Variants in FHIT observed in about 807,000 individuals in gnomAD.
FHIT encodes fragile histidine triad diadenosine triphosphatase.
A neutral mutation model predicts 17.9 loss-of-function variants in FHIT; 19 were observed. The ratio of observed to expected loss-of-function variants is 1.06; its 90% confidence interval spans 0.74 to 1.56. The LOEUF (loss-of-function observed/expected upper bound fraction) is 1.56, where lower values mean the gene tolerates loss of function less well. FHIT is among the 40% of genes most tolerant of loss of function. The pLI, the probability that FHIT is intolerant of heterozygous loss-of-function variation, is 0.00. For missense variants in FHIT, 248 were observed against 189.2 expected (o/e 1.31, Z -1.82); for synonymous variants, 81 against 69.7 (o/e 1.16, Z -0.81).
Position 60,428,906 on chromosome 3 carries a change from A to C in FHIT, c.103+107954T>G, listed in dbSNP as rs552921881. ...AATATGAATGGGATTCTTTTGAACA[A>C]AGGGAAAGAATAAAAATAATTGGAT... On this transcript the variant is annotated intron_variant, in intron 5 of 9. Transcript: ENST00000492590. 5.3e-5 allele frequency among the ~76,000 whole-genome samples: 8 copies of C among 152,258 alleles called. No homozygotes were observed. In the South Asian group the frequency reaches 1.7e-3, roughly 32 times the overall value.
chr3:60,786,661 T>C (rs1404216169), intron 4 of FHIT, among the ~76,000 whole-genome samples: 1 of 152,190 alleles, frequency 6.6e-6, no homozygotes. Context: ...ATAATTATCA[T>C]CTAAAAAGTT....
At chr3:60,072,929 C>T (rs562154483) in intron 5 of FHIT, among the ~76,000 whole-genome samples, 53 of 152,176 alleles carry the variant, frequency 3.5e-4, no homozygotes, top group Non-Finnish European at 6.8e-4. Context: ...CCCAACTTAT[C>T]CTGTTATAGG....
At chr3:60,366,688 T>G (rs1700119719) in intron 5 of FHIT, among the ~76,000 whole-genome samples, 1 of 152,206 alleles carries the variant, frequency 6.6e-6, no homozygotes, top group African/African-American at 2.4e-5. Context: ...GCCATGAGAT[T>G]AACCTCACCA....
In FHIT at chr3:61,251,331, G is replaced by A. The variant is rs2040619499; in HGVS notation, c.-243C>T. 1 of 152,588 alleles carries A rather than the reference G, an allele frequency of 6.6e-6. No homozygotes were observed. Among genetic ancestry groups the A allele is most frequent in the Admixed American group, 6.5e-5 (1 of 15,292 alleles). The allele number at this position is 152,588 out of a possible 1,614,324, so 9.5% of individuals were successfully genotyped here. On this transcript the variant is annotated 5_prime_UTR_variant, in exon 1 of 10. Transcript: ENST00000492590. ...AGGATGTTGACAGCTGGGAATGAAA[G>A]GCAGAGGGAGGGAGCGCGGGGCCGG...
chr3:61,155,766 C>T (rs1429057858), intron 2 of FHIT, among the ~76,000 whole-genome samples: 1 of 152,166 alleles, frequency 6.6e-6, no homozygotes, highest in Non-Finnish European at 1.5e-5. Flanking sequence ...CTACAGACTT[C>T]ACTTTATGAT....
intron 5 of FHIT, among the ~76,000 whole-genome samples, chr3:60,424,371 T>C (rs1702585667): frequency 1.3e-5 from 2 of 152,150 alleles, no homozygotes; most frequent in African/African-American, 2.4e-5. Flanking sequence ...ATCTCAAAGC[T>C]CTTAGATACA....
chr3:60,872,775 A>T (rs1297531116), intron 3 of FHIT, among the ~76,000 whole-genome samples: 1 of 152,090 alleles, frequency 6.6e-6, no homozygotes, highest in Admixed American at 6.6e-5. Context: ...ATCTCAGGAA[A>T]TAATAATAAA....
intron 1 of FHIT, among the ~76,000 whole-genome samples, chr3:61,206,480 C>G (rs758226763): frequency 1.1e-4 from 16 of 152,058 alleles, no homozygotes; most frequent in Admixed American, 2.6e-4. Context: ...TGTTTGTATC[C>G]TCTTTTATTT....
intron 5 of FHIT, among the ~76,000 whole-genome samples, chr3:60,436,038 TTTTTC>T (rs1370489863): frequency 6.6e-6 from 1 of 152,012 alleles, no homozygotes; most frequent in African/African-American, 2.4e-5. Context: ...TGTACCACAT[TTTTTC>T]TTTTTTCTTT....
intron 5 of FHIT, among the ~76,000 whole-genome samples, chr3:60,420,877 T>C (rs1305699052): frequency 6.6e-6 from 1 of 152,170 alleles, no homozygotes; most frequent in Non-Finnish European, 1.5e-5. Flanking sequence ...CATCTTTGTT[T>C]CTGGCTTGCC....
intron 5 of FHIT, among the ~76,000 whole-genome samples, chr3:60,500,157 A>G (rs901246298): frequency 2.0e-5 from 3 of 152,200 alleles, no homozygotes; most frequent in African/African-American, 7.2e-5. Flanking sequence ...CCTGATACCT[A>G]TTTTTGTAAA....
intron 5 of FHIT, among the ~76,000 whole-genome samples, chr3:60,483,787 T>G (rs768176437): frequency 2.0e-5 from 3 of 152,100 alleles, no homozygotes; most frequent in South Asian, 2.1e-4. Context: ...ACACCCTCTC[T>G]CACCACTCCT....
chr3:61,037,431 G>A lies in FHIT; in HGVS notation c.-111+4616C>T, dbSNP rs529165881. Among the ~76,000 whole-genome samples, 9 of 152,312 alleles carry A rather than the reference G, an allele frequency of 5.9e-5. No individual in the cohort carries two copies. In the East Asian group the frequency reaches 1.7e-3, roughly 29 times the overall value. The stretch of plus-strand genomic sequence containing the variant: ...ATATACCACTGGGAGTATACCAGAT[G>A]ATATTAGATGGTACATGAGTGGTTT... On this transcript the variant is annotated intron_variant, in intron 3 of 9. Coordinates refer to ENST00000492590, the MANE Select transcript of FHIT (RefSeq NM_002012.4).
intron 5 of FHIT, among the ~76,000 whole-genome samples, chr3:60,105,744 AAG>A (rs1407828842): frequency 1.4e-5 from 2 of 139,036 alleles, no homozygotes; most frequent in African/African-American, 5.0e-5. Context: ...AATTTATAAA[AAG>A]TGTGGATTTT....
At chr3:60,642,478 C>T (rs1186943576) in intron 4 of FHIT, among the ~76,000 whole-genome samples, 2 of 145,834 alleles carry the variant, frequency 1.4e-5, no homozygotes, top group Non-Finnish European at 2.9e-5. Context: ...TCTTTACCCA[C>T]ACACACACAC....
chr3:61,041,882 G>A (rs1048810458), intron 3 of FHIT, among the ~76,000 whole-genome samples, 165 bp downstream of exon 3: 1 of 152,150 alleles, frequency 6.6e-6, no homozygotes, highest in African/African-American at 2.4e-5. Flanking sequence ...GTTCTTGAAA[G>A]TATAGTGCAG....
intron 5 of FHIT, among the ~76,000 whole-genome samples, chr3:60,181,597 C>T (rs1239953384): frequency 6.6e-6 from 1 of 152,124 alleles, no homozygotes; most frequent in African/African-American, 2.4e-5. Context: ...CAACAGAAGA[C>T]CAGAGTAGAG....
intron 5 of FHIT, among the ~76,000 whole-genome samples, chr3:60,082,608 C>A (rs2223086): frequency 0.4 from 61,082 of 151,924 alleles, 12,905 homozygotes; most frequent in African/African-American, 0.52. Flanking sequence ...TATAAGCATC[C>A]CCCTTTCTCC....
intron 8 of FHIT, among the ~76,000 whole-genome samples, chr3:59,811,977 G>C (rs1428443449): frequency 6.6e-6 from 1 of 152,168 alleles, no homozygotes; most frequent in Non-Finnish European, 1.5e-5. Context: ...CCCCGTGGCA[G>C]CTCATCCTAC....
Sources: gnomAD v4.1 joint callset for allele counts (sites outside exome capture counted in the v4.1 genomes callset) on GRCh38, gnomAD v4.1.1 for gene constraint, MANE v1.5 for transcripts, NCBI Gene and HGNC (gene_info 2026-07-23, HGNC 2026-07-21) for gene names.